The following PTPRT variants were observed in gnomAD, a reference collection of about 807,000 sequenced individuals.
The protein encoded by PTPRT is receptor-type tyrosine-protein phosphatase T.
Under a neutral mutation model 176.8 loss-of-function variants are expected in PTPRT, and 56 were observed. That is an observed-to-expected ratio of 0.32 (90% CI 0.26 to 0.40). PTPRT has a LOEUF of 0.40. Among genes scored for constraint, PTPRT ranks in the 10% least tolerant of loss-of-function variants. The pLI is 1.00. For missense variants in PTPRT, 1,540 were observed against 1,908.2 expected (o/e 0.81, Z 3.60); for synonymous variants, 783 against 739.0 (o/e 1.06, Z -0.96).
chr20:42,765,691 G>A (rs915103045), intron 5 of PTPRT, among the ~76,000 whole-genome samples: 41 of 151,610 alleles, frequency 2.7e-4, no homozygotes, highest in African/African-American at 9.4e-4. Context: ...TGTATATACA[G>A]ATTATATATA....
At chr20:42,612,744 C>A (rs1005890305) in intron 7 of PTPRT, among the ~76,000 whole-genome samples, 1 of 151,642 alleles carries the variant, frequency 6.6e-6, no homozygotes, top group African/African-American at 2.4e-5. Context: ...TGAAAATATA[C>A]ACTGAATCAT....
At chr20:42,359,305 T>C (rs2058399862) in intron 9 of PTPRT, among the ~76,000 whole-genome samples, 4 of 152,152 alleles carry the variant, frequency 2.6e-5, no homozygotes, top group Admixed American at 2.6e-4. Flanking sequence ...AAAGAAGGCC[T>C]TGTTTCAACC....
chr20:42,947,761 A>G (rs1980976306), intron 1 of PTPRT, among the ~76,000 whole-genome samples: 1 of 151,736 alleles, frequency 6.6e-6, no homozygotes, highest in South Asian at 2.1e-4. Context: ...TCACTCTCCA[A>G]TCCAGTGCAT....
intron 6 of PTPRT, among the ~76,000 whole-genome samples, chr20:42,751,790 C>G (rs1025116295): frequency 6.6e-6 from 1 of 152,238 alleles, no homozygotes. Flanking sequence ...TGGCCACAGA[C>G]TAAAGGCTAC....
At chr20:42,203,045 G>A (rs576641316) in intron 15 of PTPRT, among the ~76,000 whole-genome samples, 1 of 152,104 alleles carries the variant, frequency 6.6e-6, no homozygotes, top group Non-Finnish European at 1.5e-5. Flanking sequence ...TACATCCTTA[G>A]TATTTAAAGC....
chr20:42,819,785 T>TA (rs2077858478), intron 2 of PTPRT, among the ~76,000 whole-genome samples: 1 of 151,520 alleles, frequency 6.6e-6, no homozygotes, highest in South Asian at 2.1e-4. Context: ...TAATCTCTGA[T>TA]AAAAAAGACT....
At chr20:42,442,933 A>C (rs554165871) in intron 9 of PTPRT, among the ~76,000 whole-genome samples, 42 of 152,286 alleles carry the variant, frequency 2.8e-4, no homozygotes, top group African/African-American at 9.1e-4. Flanking sequence ...GGTTGTTCCC[A>C]AGAGCTGAGT....
chr20:42,904,161 C>T (rs768456066), intron 1 of PTPRT, among the ~76,000 whole-genome samples: 1 of 152,198 alleles, frequency 6.6e-6, no homozygotes, highest in Non-Finnish European at 1.5e-5. Flanking sequence ...GGAACAAGCA[C>T]TCAGCAACTT....
chr20:42,516,300 A>G (rs2072066616), intron 7 of PTPRT, among the ~76,000 whole-genome samples: 1 of 152,156 alleles, frequency 6.6e-6, no homozygotes, highest in African/African-American at 2.4e-5. Context: ...TCACCATGAT[A>G]TGAGAACCAT....
rs141945125 is a variant in PTPRT, at chr20:42,519,639, A to G, written c.1154-47077T>C. On this transcript the variant is annotated intron_variant, in intron 7 of 30. Coordinates refer to ENST00000373187, the MANE Select transcript of PTPRT (RefSeq NM_007050.6). ...TCCAGATAGACAGACAGATATAGAT[A>G]TTGATGTGTGTTTGTGTGTATTCAT... Among the ~76,000 whole-genome samples, 700 of 151,916 alleles carry G rather than the reference A, an allele frequency of 4.6e-3. 4 individuals are homozygous for G. The highest frequency in any genetic ancestry group is 0.016 in the African/African-American group (668 of 41,328).
At chr20:42,726,057 T>TTTATTATTATTA (rs59329244) in intron 6 of PTPRT, among the ~76,000 whole-genome samples, 7 of 142,286 alleles carry the variant, frequency 4.9e-5, no homozygotes, top group Non-Finnish European at 7.6e-5. Context: ...TGTGGGCATC[T>TTTATTATTATTA]TTATTATTAT....
chr20:42,274,878 A>G (rs1047254534), intron 13 of PTPRT, among the ~76,000 whole-genome samples: 15 of 152,176 alleles, frequency 9.9e-5, no homozygotes, highest in Admixed American at 2.0e-4. Flanking sequence ...TAAATATTCT[A>G]TTATCAATTA....
chr20:42,183,071 C>A (rs988779272), intron 16 of PTPRT, among the ~76,000 whole-genome samples: 1 of 152,100 alleles, frequency 6.6e-6, no homozygotes. Context: ...CTCACTATCA[C>A]CAAGATGATC....
At chr20:43,093,509 C>T (rs2011973798) in intron 1 of PTPRT, among the ~76,000 whole-genome samples, 1 of 152,194 alleles carries the variant, frequency 6.6e-6, no homozygotes, top group Non-Finnish European at 1.5e-5. Context: ...AACATGAAGC[C>T]TTGTGAATGC....
At chr20:42,119,147 A>G (rs1987453729) in intron 20 of PTPRT, among the ~76,000 whole-genome samples, 2 of 151,828 alleles carry the variant, frequency 1.3e-5, no homozygotes, top group South Asian at 4.2e-4. Context: ...AAAGTAATAC[A>G]TGTGTTTGAT....
At chr20:42,182,907 G>GGTGTGTGTGTGTGT (rs10608197) in intron 16 of PTPRT, among the ~76,000 whole-genome samples, 78 of 144,708 alleles carry the variant, frequency 5.4e-4, no homozygotes, top group South Asian at 3.5e-3. Flanking sequence ...TACAAGCAGG[G>GGTGTGTGTGTGTGT]GTGTGTGTGT....
chr20:42,213,141 A>C (rs2146749384), intron 15 of PTPRT, among the ~76,000 whole-genome samples: 1 of 152,320 alleles, frequency 6.6e-6, no homozygotes, highest in South Asian at 2.1e-4. Context: ...TAGCAACGCA[A>C]GTTCACCGGC....
chr20:43,057,924 C>T (rs1945154363), intron 1 of PTPRT, among the ~76,000 whole-genome samples: 2 of 152,168 alleles, frequency 1.3e-5, no homozygotes, highest in African/African-American at 4.8e-5. Flanking sequence ...TGTTCCCCCA[C>T]TCAATGCCTA....
At chr20:42,335,437 T>TA (rs5841458) in intron 11 of PTPRT, among the ~76,000 whole-genome samples, 9 of 151,712 alleles carry the variant, frequency 5.9e-5, no homozygotes, top group Admixed American at 2.0e-4. Flanking sequence ...AGCAGTGAAT[T>TA]AAAAAAAATG....
Sources: gnomAD v4.1 joint callset for allele counts (sites outside exome capture counted in the v4.1 genomes callset) on GRCh38, gnomAD v4.1.1 for gene constraint, MANE v1.5 for transcripts, NCBI Gene and HGNC (gene_info 2026-07-23, HGNC 2026-07-21) for gene names.